The following TTC29 variants were observed in gnomAD, a reference collection of about 807,000 sequenced individuals.
The protein encoded by TTC29 is tetratricopeptide repeat protein 29.
A neutral mutation model predicts 58.1 loss-of-function variants in TTC29; 49 were observed. That is an observed-to-expected ratio of 0.84 (90% CI 0.67 to 1.07). The LOEUF is 1.07. Among genes scored for constraint, TTC29 ranks in the 50% least tolerant of loss-of-function variants. TTC29 has a pLI of 0.00. For missense variants in TTC29, 582 were observed against 555.6 expected (o/e 1.05, Z -0.48); for synonymous variants, 209 against 196.8 (o/e 1.06, Z -0.52).
At chr4:146,757,688 C>A (rs772260135) in intron 11 of TTC29, among the ~76,000 whole-genome samples, 31 of 152,164 alleles carry the variant, frequency 2.0e-4, no homozygotes, top group Middle Eastern at 3.4e-3. Context: ...AAACAATTAC[C>A]AGCCAAGAAT....
chr4:146,862,431 T>A (rs1730295300), intron 8 of TTC29, among the ~76,000 whole-genome samples: 1 of 152,078 alleles, frequency 6.6e-6, no homozygotes, highest in Non-Finnish European at 1.5e-5. Context: ...TTATGTAACA[T>A]CGTTACTTTC....
intron 3 of TTC29, 86 bp from the exon 4 acceptor site, chr4:146,937,763 A>C (rs1325104575): frequency 2.7e-6 from 2 of 745,954 alleles, no homozygotes; most frequent in Non-Finnish European, 4.4e-6. Flanking sequence ...AGGAGAATAG[A>C]AATATTCAGG....
At chr4:146,747,951 C>T (rs937512671) in intron 11 of TTC29, among the ~76,000 whole-genome samples, 13 of 152,232 alleles carry the variant, frequency 8.5e-5, no homozygotes, top group African/African-American at 3.1e-4. Flanking sequence ...CATTGCTGTG[C>T]TGTTCCCCAC....
intron 5 of TTC29, among the ~76,000 whole-genome samples, chr4:146,905,900 T>C (rs1398574322): frequency 6.6e-6 from 1 of 152,208 alleles, no homozygotes; most frequent in East Asian, 1.9e-4. Context: ...AATTGTTTTG[T>C]TTTGCTTTAC....
At chr4:146,835,177 CT>C (rs1027635869) in intron 8 of TTC29, among the ~76,000 whole-genome samples, 7 of 151,880 alleles carry the variant, frequency 4.6e-5, no homozygotes, top group East Asian at 1.9e-4. Context: ...TTTTAAGTCT[CT>C]TTTTTTTATT....
chr4:146,857,556 C>T (rs562454811), intron 8 of TTC29, among the ~76,000 whole-genome samples: 23 of 152,254 alleles, frequency 1.5e-4, no homozygotes, highest in Middle Eastern at 3.4e-3. Context: ...GAACTACACA[C>T]GACCAGGAGG....
chr4:146,748,054 C>G (rs937400214), intron 11 of TTC29, among the ~76,000 whole-genome samples: 3 of 152,224 alleles, frequency 2.0e-5, no homozygotes, highest in Middle Eastern at 3.2e-3. Flanking sequence ...CTGCCACGTC[C>G]CACCATTCCA....
At chr4:146,839,572 G>T (rs1484040723) in intron 8 of TTC29, among the ~76,000 whole-genome samples, 1 of 149,086 alleles carries the variant, frequency 6.7e-6, no homozygotes, top group Non-Finnish European at 1.5e-5. Context: ...GTGTGTGTGT[G>T]TAAGTTTTAT....
chr4:146,748,885 C>A (rs898282576), intron 11 of TTC29, among the ~76,000 whole-genome samples: 1 of 152,018 alleles, frequency 6.6e-6, no homozygotes, highest in African/African-American at 2.4e-5. Flanking sequence ...TAGTAACTGA[C>A]CCCCCCGCAA....
chr4:146,888,066 G>T (rs2150243735), intron 6 of TTC29, among the ~76,000 whole-genome samples: 1 of 152,172 alleles, frequency 6.6e-6, no homozygotes, highest in South Asian at 2.1e-4. Flanking sequence ...ATGGAGCAAA[G>T]CTTCCCCACT....
At chr4:146,765,500 C>T (rs1204424216) in intron 11 of TTC29, among the ~76,000 whole-genome samples, 1 of 152,086 alleles carries the variant, frequency 6.6e-6, no homozygotes, top group African/African-American at 2.4e-5. Context: ...CGCGCTCAGC[C>T]CCACGATTTA....
At chr4:146,883,816 G>A (rs1039405747) in intron 6 of TTC29, among the ~76,000 whole-genome samples, 2 of 151,794 alleles carry the variant, frequency 1.3e-5, no homozygotes, top group African/African-American at 4.8e-5. Context: ...AAAAAGACAG[G>A]TAAAATACAA....
At chr4:146,869,046 C>T (rs1031074659) in intron 7 of TTC29, among the ~76,000 whole-genome samples, 1 of 148,358 alleles carries the variant, frequency 6.7e-6, no homozygotes, top group Admixed American at 6.8e-5. Context: ...AACCCCTCAC[C>T]AGAAGGAGAT....
intron 2 of TTC29, among the ~76,000 whole-genome samples, chr4:146,941,246 C>T (rs1413300714): frequency 2.0e-5 from 3 of 152,206 alleles, no homozygotes; most frequent in South Asian, 2.1e-4. Context: ...GACCTGTACT[C>T]TTAGCTTCAC....
chr4:146,938,595 G>A lies in TTC29; in HGVS notation c.93-918C>T, dbSNP rs116040356. 3.7e-3 allele frequency among the ~76,000 whole-genome samples: 561 copies of A among 152,114 alleles called. 2 individuals carry two copies. The highest frequency in any genetic ancestry group is 0.017 in the Middle Eastern group (5 of 294). ...AAAATATGTATGTATATATATTATA[G>A]TGTACACACATGAATTATGCATTCA... On this transcript the variant is annotated intron_variant, in intron 3 of 12. Coordinates refer to ENST00000325106, the MANE Select transcript of TTC29 (RefSeq NM_031956.4).
intron 6 of TTC29, among the ~76,000 whole-genome samples, chr4:146,883,116 A>G (rs4267754): frequency 0.36 from 54,684 of 151,862 alleles, 10,117 homozygotes; most frequent in African/African-American, 0.43. Flanking sequence ...GTCTACTGTG[A>G]CTTTACTTCT....
At position 146,938,316 on chromosome 4, in the gene TTC29, G is replaced by A. The variant is rs115010952; in HGVS notation, c.93-639C>T. Among the ~76,000 whole-genome samples, 1,302 of 152,116 alleles carry A rather than the reference G, an allele frequency of 8.6e-3. 17 individuals are homozygous for A. Among genetic ancestry groups the A allele is most frequent in the African/African-American group, 0.03 (1,252 of 41,494 alleles). On this transcript the variant is annotated intron_variant, in intron 3 of 12. Transcript: ENST00000325106. ...TTGATATGGAACTAAACAAATATCA[G>A]TGTTTTATTCAGAAGCTATTAAAGA...
At chr4:146,885,754 A>G (rs2150239755) in intron 6 of TTC29, among the ~76,000 whole-genome samples, 1 of 152,270 alleles carries the variant, frequency 6.6e-6, no homozygotes, top group Middle Eastern at 3.4e-3. Flanking sequence ...TTACTTTTGC[A>G]CTAACCTAAA....
At chr4:146,923,218 T>C (rs1458412126) in intron 4 of TTC29, among the ~76,000 whole-genome samples, 1 of 151,854 alleles carries the variant, frequency 6.6e-6, no homozygotes, top group African/African-American at 2.4e-5. Context: ...TCACTTTTAA[T>C]TGAATAAGAT....
Sources: allele counts gnomAD v4.1 joint callset (sites outside exome capture counted in the v4.1 genomes callset), GRCh38; gene constraint gnomAD v4.1.1; transcripts MANE v1.5; gene names NCBI Gene and HGNC (gene_info 2026-07-23, HGNC 2026-07-21).